EVC: variants seen among roughly 807,000 people sequenced by gnomAD.
EVC encodes the protein EvC ciliary complex subunit 1.
In EVC, 116 loss-of-function variants were observed where a neutral mutation model predicts 118.9. That is an observed-to-expected ratio of 0.98 (90% CI 0.84 to 1.14). The LOEUF (loss-of-function observed/expected upper bound fraction) is 1.14. Among genes scored for constraint, EVC ranks in the 50% most tolerant of loss-of-function variants. The pLI, the probability that EVC is intolerant of heterozygous loss-of-function variation, is 0.00. For missense variants in EVC, 1,401 were observed against 1,246.4 expected, an observed-to-expected ratio of 1.12 and a Z score of -1.87; for synonymous variants, 619 against 534.7, an observed-to-expected ratio of 1.16 and a Z score of -2.18.
the EVC span, among the ~76,000 whole-genome samples, chr4:5,829,016 GT>G: frequency 6.6e-6 from 1 of 150,820 alleles, no homozygotes; most frequent in South Asian, 2.1e-4. Context: ...CTTAAAATGT[GT>G]CTTTAAATAA....
Position 5,742,227 on chromosome 4 carries a change from G to T in EVC, c.801+413G>T, listed in dbSNP as rs951582314. On this transcript the variant is annotated intron_variant, in intron 6 of 20. Coordinates refer to ENST00000264956, the MANE Select transcript of EVC (RefSeq NM_153717.3). This position sits in a 1 kb window ranked among gnomAD's most constrained non-coding sequence, Gnocchi z 5.2. ...AGGGCTTGGAGTCAGACTGGTTGAG[G>T]TTGGTATCCTGGCTTTATCTTTTAC... Among the ~76,000 whole-genome samples the T allele has an allele frequency of 6.6e-6, 1 of 152,174 alleles. No individual in the cohort carries two copies. Among genetic ancestry groups the T allele is most frequent in the East Asian group, 1.9e-4 (1 of 5,190 alleles).
Position 5,810,994 on chromosome 4 carries a change from G to A in EVC, c.2936G>A (p.Ser979Asn), listed in dbSNP as rs761683022. ...CAGCAAGAAAGTGAAGCTGGGGACAGTGGGAACTCAAAGAAGATGCTAAAG... is the reference window on the plus strand; with the variant it reads ...CAGCAAGAAAGTGAAGCTGGGGACAATGGGAACTCAAAGAAGATGCTAAAG... ...LSQQESEAGD[S>N]GNSKKMLKRR... Residue 979 changes from serine (S) to asparagine (N), a missense_variant, in exon 21 of 21, where the codon AGT becomes AAT. Ser to Asn is a conservative substitution (Grantham distance 46, BLOSUM62 1). Coordinates refer to ENST00000264956, the MANE Select transcript of EVC (RefSeq NM_153717.3). The A allele has an allele frequency of 3.8e-5, 61 of 1,613,262 alleles. No homozygotes were observed. Among genetic ancestry groups the A allele is most frequent in the Non-Finnish European group, 5.1e-5 (60 of 1,179,548 alleles).
At chr4:5,828,731 A>T in the EVC span, 1 of 1,560,512 alleles carries the variant, frequency 6.4e-7, no homozygotes, top group African/African-American at 1.4e-5. Flanking sequence ...GCTGTTCATA[A>T]CAGCGATTTT....
intron 10 of EVC, 26 bp downstream of exon 10, chr4:5,753,959 CATGTGGGTG>C (rs1358458979): frequency 3.7e-6 from 6 of 1,612,106 alleles, no homozygotes; most frequent in Non-Finnish European, 5.1e-6. Flanking sequence ...AGCCTCTGCA[CATGTGGGTG>C]AGCCAGTTGT....
chr4:5,799,758 C>T (rs1451333349), intron 15 of EVC, among the ~76,000 whole-genome samples: 2 of 152,182 alleles, frequency 1.3e-5, no homozygotes, highest in Admixed American at 6.5e-5. Flanking sequence ...AGTCACTTTG[C>T]GTGTCTGTGC....
intron 12 of EVC, 37 bp from the exon 13 acceptor site, chr4:5,793,571 A>G: frequency 6.6e-7 from 1 of 1,508,548 alleles, no homozygotes; most frequent in Non-Finnish European, 9.0e-7. Flanking sequence ...GAAGTGAGTA[A>G]CCACATGCCT....
chr4:5,753,971 C>T, intron 10 of EVC, 38 bp downstream of exon 10: 1 of 1,611,690 alleles, frequency 6.2e-7, no homozygotes, highest in Non-Finnish European at 8.5e-7. Flanking sequence ...TGTGGGTGAG[C>T]CAGTTGTAGC....
chr4:5,821,996 C>T, the EVC span: 2 of 562,310 alleles, frequency 3.6e-6, no homozygotes, highest in African/African-American at 5.9e-5. The surrounding 1 kb of genome is among the most constrained non-coding windows in gnomAD (Gnocchi z 4.4). Context: ...GGAAGCCTCC[C>T]TGGCCTCCAC....
intron 2 of EVC, among the ~76,000 whole-genome samples, chr4:5,720,451 A>C (rs2151851330): frequency 6.6e-6 from 1 of 152,292 alleles, no homozygotes; most frequent in Admixed American, 6.5e-5. Context: ...CCTGCTCCAG[A>C]GTGCTGCGTC....
At position 5,798,041 on chromosome 4, in the gene EVC, C is replaced by G. The variant is rs1017248615; in HGVS notation, c.2098-545C>G. Among the ~76,000 whole-genome samples the G allele has an allele frequency of 3.3e-5, 5 of 152,222 alleles. No homozygotes were observed. Among genetic ancestry groups the G allele is most frequent in the African/African-American group, 1.2e-4 (5 of 41,466 alleles). ...CATGAATGAGGCACAAGCCCACAGTCTCTTAAGCTCTATCCAGGAGAGCTC... is the reference window on the plus strand; with the variant it reads ...CATGAATGAGGCACAAGCCCACAGTGTCTTAAGCTCTATCCAGGAGAGCTC... On this transcript the variant is annotated intron_variant, in intron 14 of 20. Coordinates refer to ENST00000264956, the MANE Select transcript of EVC (RefSeq NM_153717.3). The surrounding 1 kb of genome is among the most constrained non-coding windows in gnomAD (Gnocchi z 4.1).
At chr4:5,729,286 G>T (rs772483071) in intron 2 of EVC, 21 bp from the exon 3 acceptor site, 3 of 1,612,918 alleles carry the variant, frequency 1.9e-6, no homozygotes, top group Non-Finnish European at 2.5e-6. Context: ...TTCCCATGCC[G>T]TTTGTGTCTT....
intron 11 of EVC, among the ~76,000 whole-genome samples, chr4:5,776,707 T>TAGTTC (rs1175789807): frequency 3.4e-4 from 52 of 152,314 alleles, no homozygotes; most frequent in African/African-American, 1.1e-3. Context: ...TAGTCTCTCC[T>TAGTTC]TGCTTTGTTC....
the EVC span, chr4:5,824,169 A>C: frequency 3.1e-6 from 1 of 323,636 alleles, no homozygotes; most frequent in Non-Finnish European, 4.4e-6. Context: ...GTTTAATTGC[A>C]TAACTCCAGA....
At chr4:5,803,110 C>T (rs917458840) in intron 16 of EVC, among the ~76,000 whole-genome samples, 4 of 152,188 alleles carry the variant, frequency 2.6e-5, no homozygotes, top group Admixed American at 6.5e-5. Flanking sequence ...GGACAGTATC[C>T]CCAGTTCCAG....
rs112443560 is a variant in EVC, at chr4:5,810,225, A to G, written c.2783-114A>G. 1,834 of 797,598 alleles carry G rather than the reference A, an allele frequency of 2.3e-3. 16 individuals are homozygous for G. In the African/African-American group the frequency reaches 0.025, roughly 11 times the overall value. 49.4% of individuals were successfully genotyped at this position (797,598 alleles called of 1,614,324 possible). ...CAATAGCATAAGATACCAAGCATAC[A>G]CTTGGCCCACACAACATGCTCAAAA... On this transcript the variant is annotated intron_variant, in intron 19 of 20. Transcript: ENST00000264956.
intron 4 of EVC, among the ~76,000 whole-genome samples, 169 bp from the exon 5 acceptor site, chr4:5,733,182 T>G (rs190261102): frequency 9.8e-5 from 15 of 152,286 alleles, no homozygotes; most frequent in Admixed American, 2.6e-4. Context: ...ACAGCTCATT[T>G]GATCCCTTCT....
intron 13 of EVC, among the ~76,000 whole-genome samples, chr4:5,794,886 A>G (rs555723786): frequency 2.0e-5 from 3 of 152,252 alleles, no homozygotes; most frequent in South Asian, 4.1e-4. Context: ...GTTTTTTAAC[A>G]CTTGGCCCCC....
the EVC span, chr4:5,825,976 C>T: frequency 2.5e-6 from 1 of 393,458 alleles, no homozygotes. The surrounding 1 kb of genome is among the most constrained non-coding windows in gnomAD (Gnocchi z 4.4). Flanking sequence ...AGTAACAAAA[C>T]AGGCCTACAC....
the EVC span, among the ~76,000 whole-genome samples, chr4:5,827,575 T>C: frequency 2.0e-5 from 3 of 152,044 alleles, no homozygotes; most frequent in Non-Finnish European, 4.4e-5. Flanking sequence ...GGTACACACA[T>C]GGCCACACAC....
Sources: allele counts gnomAD v4.1 joint callset (sites outside exome capture counted in the v4.1 genomes callset), GRCh38; gene constraint gnomAD v4.1.1; non-coding constraint Gnocchi (gnomAD v3.1); transcripts MANE v1.5; gene names NCBI Gene and HGNC (gene_info 2026-07-23, HGNC 2026-07-21).